The following PLSCR4 variants were observed in gnomAD, a reference collection of about 807,000 sequenced individuals.
The protein encoded by PLSCR4 is Ca(2+)-dependent phospholipid scramblase 4.
PLSCR4 carries 25 observed loss-of-function variants against 36.3 expected under a neutral mutation model. That is an observed-to-expected ratio of 0.69 (90% confidence interval 0.50 to 0.96). PLSCR4 has a LOEUF of 0.96. PLSCR4 is among the 40% of genes least tolerant of loss of function. The pLI is 0.00. For synonymous variants in PLSCR4, 122 were observed against 132.9 expected, an observed-to-expected ratio of 0.92 and a Z score of 0.56; for missense variants, 408 against 414.7, an observed-to-expected ratio of 0.98 and a Z score of 0.14.
At position 146,194,095 on chromosome 3, in the gene PLSCR4, TA is replaced by T; in HGVS notation, c.*315del. On this transcript the variant is annotated 3_prime_UTR_variant, in exon 9 of 9. Coordinates refer to ENST00000354952, the MANE Select transcript of PLSCR4 (RefSeq NM_020353.3). ...AAAGCCTTATTGTTTCACTACCTAT[TA>T]ATATGAGAACTCTGGATTCATTTTC... The T allele has an allele frequency of 4.2e-6, 1 of 236,172 alleles. No homozygotes were observed. The highest frequency in any genetic ancestry group is 8.1e-6 in the Non-Finnish European group (1 of 123,104). 14.6% of individuals were successfully genotyped at this position (236,172 alleles called of 1,614,324 possible). A position where few individuals can be genotyped will look rare whatever the true frequency, so the allele number is the denominator to read the frequency against.
intron 3 of PLSCR4, among the ~76,000 whole-genome samples, chr3:146,208,102 A>G (rs2034431579): frequency 6.6e-6 from 1 of 152,166 alleles, no homozygotes; most frequent in Non-Finnish European, 1.5e-5. Flanking sequence ...GACCAATGGA[A>G]CAGAATAGGG....
intron 3 of PLSCR4, among the ~76,000 whole-genome samples, chr3:146,216,506 C>T (rs990791276): frequency 3.9e-5 from 6 of 152,054 alleles, no homozygotes; most frequent in African/African-American, 1.4e-4. Flanking sequence ...ACTCTAACAA[C>T]GTTACAAGTA....
At chr3:146,220,704 T>C (rs961759140) in intron 3 of PLSCR4, 111 bp downstream of exon 3, 1 of 706,796 alleles carries the variant, frequency 1.4e-6, no homozygotes, top group Non-Finnish European at 2.5e-6. Context: ...TGGCATCCAA[T>C]ATTTATTTAC....
At chr3:146,240,777 A>C (rs2036118543) in intron 1 of PLSCR4, among the ~76,000 whole-genome samples, 1 of 152,232 alleles carries the variant, frequency 6.6e-6, no homozygotes, top group Admixed American at 6.5e-5. Context: ...CAGTTCCTCA[A>C]AAGATTAAAC....
chr3:146,245,533 G>C (rs1330877498), intron 1 of PLSCR4, among the ~76,000 whole-genome samples: 1 of 151,886 alleles, frequency 6.6e-6, no homozygotes, highest in Non-Finnish European at 1.5e-5. Context: ...AAGCACAATT[G>C]TTAAGTAAAC....
intron 1 of PLSCR4, among the ~76,000 whole-genome samples, chr3:146,229,609 A>AT (rs1186011076): frequency 0.01 from 1,130 of 111,930 alleles, 23 homozygotes; most frequent in African/African-American, 0.044. Context: ...TTATTTATTT[A>AT]TTTATTTATT....
Position 146,192,674 on chromosome 3 carries a change from C to T in PLSCR4, c.*1737G>A, listed in dbSNP as rs1052921447. 1.3e-5 allele frequency: 2 copies of T among 151,806 alleles called. No homozygotes were observed. Among genetic ancestry groups the T allele is most frequent in the African/African-American group, 4.8e-5 (2 of 41,366 alleles). 9.4% of individuals were successfully genotyped at this position (151,806 alleles called of 1,614,324 possible). ...AAGTTAAAAATAAAAAGTTTATATG[C>T]TTAAACTTTCTGAATATTGTTTGTC... On this transcript the variant is annotated 3_prime_UTR_variant, in exon 9 of 9. Coordinates refer to ENST00000354952, the MANE Select transcript of PLSCR4 (RefSeq NM_020353.3).
chr3:146,235,874 CT>C (rs1428965174), intron 1 of PLSCR4, among the ~76,000 whole-genome samples: 2 of 152,118 alleles, frequency 1.3e-5, no homozygotes, highest in Non-Finnish European at 2.9e-5. Flanking sequence ...CACTGTGCCC[CT>C]GCCCTAGAGA....
chr3:146,248,893 G>A (rs2036445086), intron 1 of PLSCR4, among the ~76,000 whole-genome samples: 1 of 152,042 alleles, frequency 6.6e-6, no homozygotes, highest in Admixed American at 6.5e-5. Context: ...AACACCTAAA[G>A]TTATCAGACT....
At chr3:146,225,973 A>G (rs9838801) in intron 1 of PLSCR4, among the ~76,000 whole-genome samples, 116,437 of 152,164 alleles carry the variant, frequency 0.77, 44,663 homozygotes, top group South Asian at 0.81. Context: ...CTGCCAGCAC[A>G]CTGTCACCTC....
At position 146,249,181 on chromosome 3, in the gene PLSCR4, G is replaced by T. The variant is rs1211866238; in HGVS notation, c.-22+1779C>A. ...TAATAAAAATCATGTCCCTAAATGG[G>T]TCTAGGTTTTTGTATTATGCTTAGA... On this transcript the variant is annotated intron_variant, in intron 1 of 8. Coordinates refer to ENST00000354952, the MANE Select transcript of PLSCR4 (RefSeq NM_020353.3). Among the ~76,000 whole-genome samples the T allele has an allele frequency of 3.3e-5, 5 of 151,960 alleles. No homozygotes were observed. The East Asian group carries it at 5.8e-4, about 18-fold the overall frequency.
chr3:146,198,256 G>C (rs144259058), intron 6 of PLSCR4, among the ~76,000 whole-genome samples: 1 of 152,050 alleles, frequency 6.6e-6, no homozygotes, highest in Non-Finnish European at 1.5e-5. Context: ...GTATTGTGCT[G>C]ATGGAAACAG....
chr3:146,203,272 G>A (rs2108229363), intron 4 of PLSCR4, among the ~76,000 whole-genome samples: 1 of 152,148 alleles, frequency 6.6e-6, no homozygotes, highest in Admixed American at 6.6e-5. Context: ...AATGGATGTT[G>A]TGTTAGCAGG....
chr3:146,240,924 TA>T (rs2036125680), intron 1 of PLSCR4, among the ~76,000 whole-genome samples: 1 of 152,122 alleles, frequency 6.6e-6, no homozygotes, highest in Admixed American at 6.5e-5. Flanking sequence ...AGCCAACAAA[TA>T]GAAACAATTC....
chr3:146,235,951 A>G (rs2035895573), intron 1 of PLSCR4, among the ~76,000 whole-genome samples: 1 of 152,098 alleles, frequency 6.6e-6, no homozygotes, highest in Non-Finnish European at 1.5e-5. Flanking sequence ...TCTAAGCAGC[A>G]AAACATCAAG....
intron 3 of PLSCR4, among the ~76,000 whole-genome samples, chr3:146,218,276 T>C (rs962680180): frequency 3.9e-5 from 6 of 152,086 alleles, no homozygotes; most frequent in African/African-American, 1.4e-4. Context: ...TACCTTCTTT[T>C]TTTAACTATT....
intron 1 of PLSCR4, among the ~76,000 whole-genome samples, chr3:146,228,723 TATTG>T (rs775715154): frequency 7.8e-5 from 6 of 77,380 alleles, no homozygotes; most frequent in Admixed American, 1.6e-4. Flanking sequence ...AACATATAAA[TATTG>T]AGTTTTCATA....
chr3:146,238,197 C>A (rs1223928540), intron 1 of PLSCR4, among the ~76,000 whole-genome samples: 5 of 149,282 alleles, frequency 3.3e-5, no homozygotes, highest in Non-Finnish European at 5.9e-5. Flanking sequence ...ACCAAAAAAA[C>A]TTCCCACAAA....
At chr3:146,198,861 A>G (rs1299134300) in intron 6 of PLSCR4, among the ~76,000 whole-genome samples, 1 of 152,182 alleles carries the variant, frequency 6.6e-6, no homozygotes, top group African/African-American at 2.4e-5. Context: ...CACTTCACAT[A>G]TAAGGCTGTT....
Sources: gnomAD v4.1 joint callset for allele counts (sites outside exome capture counted in the v4.1 genomes callset) on GRCh38, gnomAD v4.1.1 for gene constraint, MANE v1.5 for transcripts, NCBI Gene and HGNC (gene_info 2026-07-23, HGNC 2026-07-21) for gene names.